Variants in PABPC4L observed in about 807,000 individuals in gnomAD.
PABPC4L encodes the protein polyadenylate-binding protein 4-like.
For synonymous variants in PABPC4L, 169 were observed against 164.1 expected (o/e 1.03, Z -0.23); for missense variants, 452 against 451.4 (o/e 1.00, Z -0.01).
chr4:134,158,444 G>A, the PABPC4L span, among the ~76,000 whole-genome samples: 1 of 151,944 alleles, frequency 6.6e-6, no homozygotes, highest in Non-Finnish European at 1.5e-5. Flanking sequence ...CTTCCATTCT[G>A]ACATATTCTT....
At chr4:134,174,068 T>G in the PABPC4L span, among the ~76,000 whole-genome samples, 1 of 152,090 alleles carries the variant, frequency 6.6e-6, no homozygotes, top group African/African-American at 2.4e-5. Flanking sequence ...TAAAAACATT[T>G]TATTTTTCTT....
the PABPC4L span, among the ~76,000 whole-genome samples, chr4:134,032,181 G>A: frequency 5.3e-5 from 8 of 151,792 alleles, no homozygotes; most frequent in Admixed American, 5.3e-4. Context: ...TGATACCATA[G>A]CAAAGGCACA....
chr4:134,086,171 G>A, the PABPC4L span, among the ~76,000 whole-genome samples: 2 of 151,474 alleles, frequency 1.3e-5, no homozygotes, highest in African/African-American at 4.9e-5. Context: ...TAAGAAGTTG[G>A]GTTTTTTTTT....
chr4:134,086,509 T>A, the PABPC4L span, among the ~76,000 whole-genome samples: 4 of 151,962 alleles, frequency 2.6e-5, no homozygotes, highest in South Asian at 8.3e-4. Context: ...ACAACACTTT[T>A]CAATTTTTTT....
At chr4:134,096,141 A>G in the PABPC4L span, among the ~76,000 whole-genome samples, 1 of 151,992 alleles carries the variant, frequency 6.6e-6, no homozygotes, top group Non-Finnish European at 1.5e-5. Flanking sequence ...TTAAATAAAT[A>G]GGTGTGGTAC....
chr4:134,056,122 G>C, the PABPC4L span, among the ~76,000 whole-genome samples: 2 of 151,740 alleles, frequency 1.3e-5, no homozygotes, highest in Non-Finnish European at 2.9e-5. Flanking sequence ...AAATCAGTTG[G>C]GCATATTTAT....
At chr4:134,058,858 A>G in the PABPC4L span, among the ~76,000 whole-genome samples, 5 of 152,072 alleles carry the variant, frequency 3.3e-5, no homozygotes, top group Non-Finnish European at 7.4e-5. Flanking sequence ...GCATGACAAC[A>G]GATGGGAGAT....
the PABPC4L span, among the ~76,000 whole-genome samples, chr4:134,153,388 A>T: frequency 1.3e-5 from 2 of 152,068 alleles, no homozygotes; most frequent in Non-Finnish European, 2.9e-5. Context: ...ATATACCAAT[A>T]GACCAAGAAT....
chr4:134,054,366 A>G, the PABPC4L span, among the ~76,000 whole-genome samples: 6 of 149,372 alleles, frequency 4.0e-5, no homozygotes, highest in Non-Finnish European at 7.4e-5. Context: ...AATTCAGATG[A>G]AAATTTCAGT....
At chr4:133,980,763 TA>T in the PABPC4L span, among the ~76,000 whole-genome samples, 12 of 152,002 alleles carry the variant, frequency 7.9e-5, no homozygotes, top group Non-Finnish European at 1.6e-4. Flanking sequence ...TTATTAACTT[TA>T]AAAAAAATGA....
chr4:134,127,376 A>G, the PABPC4L span, among the ~76,000 whole-genome samples: 13 of 152,046 alleles, frequency 8.6e-5, no homozygotes, highest in South Asian at 1.0e-3. Context: ...CAAAAAATCA[A>G]TGAGGACCCT....
At chr4:134,015,808 C>T in the PABPC4L span, among the ~76,000 whole-genome samples, 4 of 152,252 alleles carry the variant, frequency 2.6e-5, no homozygotes, top group African/African-American at 4.8e-5. Flanking sequence ...CTCAAGTCTG[C>T]GTGTGGCGGC....
At chr4:133,975,852 T>C in the PABPC4L span, among the ~76,000 whole-genome samples, 1 of 152,136 alleles carries the variant, frequency 6.6e-6, no homozygotes, top group Non-Finnish European at 1.5e-5. Flanking sequence ...AATCCTGATA[T>C]AAAAATATAA....
chr4:134,137,519 G>A, the PABPC4L span, among the ~76,000 whole-genome samples: 6 of 151,464 alleles, frequency 4.0e-5, no homozygotes, highest in African/African-American at 1.5e-4. Context: ...AGTTTCAAAC[G>A]GCATTCTTAA....
At chr4:134,153,810 G>GTTTTTT in the PABPC4L span, among the ~76,000 whole-genome samples, 2 of 77,582 alleles carry the variant, frequency 2.6e-5, no homozygotes, top group African/African-American at 5.4e-5. Context: ...CCTATGCCTA[G>GTTTTTT]TTTTTTTTTT....
chr4:134,201,583 G>A (rs1334188108), intron 1 of PABPC4L, 135 bp downstream of exon 1: 1 of 177,902 alleles, frequency 5.6e-6, no homozygotes, highest in Non-Finnish European at 1.2e-5. Flanking sequence ...GCGTCCTGAA[G>A]ACCTAGGGGG....
chr4:134,090,439 T>C, the PABPC4L span, among the ~76,000 whole-genome samples: 1 of 152,076 alleles, frequency 6.6e-6, no homozygotes, highest in Non-Finnish European at 1.5e-5. Context: ...TTTTTTCAAA[T>C]GGCTAACCAA....
the PABPC4L span, among the ~76,000 whole-genome samples, chr4:134,121,801 G>T: frequency 8.6e-5 from 13 of 151,618 alleles, no homozygotes; most frequent in Non-Finnish European, 1.3e-4. Flanking sequence ...CTATAGGATG[G>T]TGATCCTTTA....
chr4:134,094,302 G>A, the PABPC4L span, among the ~76,000 whole-genome samples: 1 of 151,846 alleles, frequency 6.6e-6, no homozygotes, highest in Non-Finnish European at 1.5e-5. Context: ...CCCGCCCCAT[G>A]CAGCAATAGA....
Sources: allele counts gnomAD v4.1 joint callset (sites outside exome capture counted in the v4.1 genomes callset), GRCh38; gene constraint gnomAD v4.1.1; transcripts MANE v1.5; gene names NCBI Gene and HGNC (gene_info 2026-07-23, HGNC 2026-07-21).